Variants in AHCYL2 observed in about 807,000 individuals in gnomAD.
AHCYL2 encodes S-adenosylhomocysteine hydrolase-like protein 2.
In AHCYL2, 28 loss-of-function variants were observed where a neutral mutation model predicts 81.4. That is an observed-to-expected ratio of 0.34 (90% CI 0.25 to 0.47). AHCYL2 has a LOEUF of 0.47. Ranked by LOEUF, AHCYL2 falls within the 20% of genes least tolerant of loss-of-function variation. AHCYL2 has a pLI of 1.00. For missense variants in AHCYL2, 551 were observed against 785.1 expected (o/e 0.70, Z 3.56); for synonymous variants, 272 against 290.2 (o/e 0.94, Z 0.64).
chr7:129,234,818 T>TC (rs1794581997), intron 1 of AHCYL2, among the ~76,000 whole-genome samples: 1 of 152,192 alleles, frequency 6.6e-6, no homozygotes, highest in Admixed American at 6.5e-5. Flanking sequence ...AAGAATTTCT[T>TC]CCTTTGGTTT....
chr7:129,282,252 G>A (rs958252514), intron 1 of AHCYL2, among the ~76,000 whole-genome samples: 4 of 151,906 alleles, frequency 2.6e-5, no homozygotes, highest in African/African-American at 9.7e-5. Context: ...TAGCATCTTA[G>A]ATCTATGAGT....
chr7:129,243,829 G>C (rs573758485), intron 1 of AHCYL2, among the ~76,000 whole-genome samples: 14 of 151,952 alleles, frequency 9.2e-5, no homozygotes, highest in Non-Finnish European at 2.1e-4. Context: ...TCCTGGCCTC[G>C]TGATCCACCT....
intron 1 of AHCYL2, among the ~76,000 whole-genome samples, chr7:129,321,450 T>C (rs1015305837): frequency 3.9e-5 from 6 of 152,202 alleles, no homozygotes; most frequent in South Asian, 2.1e-4. Context: ...TTTGTTGATA[T>C]AGTAAGTTAT....
At chr7:129,379,422 C>A (rs1258782238) in intron 1 of AHCYL2, among the ~76,000 whole-genome samples, 1 of 151,406 alleles carries the variant, frequency 6.6e-6, no homozygotes, top group East Asian at 1.9e-4. Context: ...GAGTTCAAGG[C>A]CAGCCTGGGC....
chr7:129,285,616 G>T (rs1309070068), intron 1 of AHCYL2, among the ~76,000 whole-genome samples: 1 of 151,626 alleles, frequency 6.6e-6, no homozygotes, highest in Non-Finnish European at 1.5e-5. Context: ...TCCTGACCTT[G>T]TAGAATCCAT....
intron 1 of AHCYL2, among the ~76,000 whole-genome samples, chr7:129,258,130 T>G (rs191158495): frequency 1.3e-5 from 2 of 152,162 alleles, no homozygotes; most frequent in Non-Finnish European, 2.9e-5. Flanking sequence ...CATTCTCCCA[T>G]TGTGGTTACC....
At chr7:129,318,849 G>A (rs1192825671) in intron 1 of AHCYL2, among the ~76,000 whole-genome samples, 1 of 151,694 alleles carries the variant, frequency 6.6e-6, no homozygotes, top group East Asian at 1.9e-4. Flanking sequence ...ACATGGATAA[G>A]TTCTTTAGTG....
chr7:129,389,268 A>G, intron 3 of AHCYL2, 69 bp downstream of exon 3: 1 of 1,577,540 alleles, frequency 6.3e-7, no homozygotes, highest in Admixed American at 1.8e-5. Flanking sequence ...ATCCCTTTTT[A>G]TGTCTGGGGT....
At chr7:129,330,470 AT>A (rs34481793) in intron 1 of AHCYL2, among the ~76,000 whole-genome samples, 3,552 of 139,072 alleles carry the variant, frequency 0.026, 39 homozygotes, top group Admixed American at 0.057. Flanking sequence ...ACTCTGGTAC[AT>A]TTTTTTTTTT....
chr7:129,244,470 T>C (rs1794978460), intron 1 of AHCYL2, among the ~76,000 whole-genome samples: 1 of 152,188 alleles, frequency 6.6e-6, no homozygotes, highest in Non-Finnish European at 1.5e-5. Context: ...GAACTTGCTT[T>C]CTCATGGTTC....
intron 1 of AHCYL2, among the ~76,000 whole-genome samples, chr7:129,227,611 A>C (rs1484785023): frequency 1.2e-5 from 1 of 83,162 alleles, no homozygotes; most frequent in Non-Finnish European, 2.7e-5. Context: ...CTTGTCTCAA[A>C]AAAAAAAAAA....
intron 1 of AHCYL2, among the ~76,000 whole-genome samples, chr7:129,271,322 C>T (rs1796005024): frequency 7.2e-6 from 1 of 139,154 alleles, no homozygotes; most frequent in African/African-American, 2.7e-5. Context: ...GATGGTGCCA[C>T]TGCAATCCAG....
chr7:129,312,105 C>T (rs1797678615), intron 1 of AHCYL2, among the ~76,000 whole-genome samples: 1 of 152,106 alleles, frequency 6.6e-6, no homozygotes, highest in Non-Finnish European at 1.5e-5. Flanking sequence ...CCTCCCACCT[C>T]AGCCTCCTGA....
intron 1 of AHCYL2, among the ~76,000 whole-genome samples, chr7:129,271,803 A>G (rs940030727): frequency 6.6e-6 from 1 of 152,274 alleles, no homozygotes; most frequent in East Asian, 1.9e-4. Flanking sequence ...GATGGTAGAG[A>G]TAAATCCAAA....
chr7:129,264,406 A>T (rs543409252), intron 1 of AHCYL2, among the ~76,000 whole-genome samples: 1 of 152,314 alleles, frequency 6.6e-6, no homozygotes, highest in South Asian at 2.1e-4. Context: ...ATAAACCGGT[A>T]TCGAGCTCAC....
At chr7:129,415,408 TTTTAC>T (rs1208614521) in intron 12 of AHCYL2, among the ~76,000 whole-genome samples, 1 of 152,224 alleles carries the variant, frequency 6.6e-6, no homozygotes, top group Non-Finnish European at 1.5e-5. Flanking sequence ...CCTTTTGTAT[TTTTAC>T]TTTATCTCAT....
intron 5 of AHCYL2, among the ~76,000 whole-genome samples, chr7:129,398,814 G>A (rs533825486): frequency 2.5e-4 from 38 of 151,990 alleles, no homozygotes; most frequent in African/African-American, 8.9e-4. Flanking sequence ...ATGATACAAG[G>A]ACATATATAA....
At chr7:129,309,414 C>T (rs989676828) in intron 1 of AHCYL2, among the ~76,000 whole-genome samples, 5 of 151,874 alleles carry the variant, frequency 3.3e-5, no homozygotes, top group Admixed American at 1.3e-4. Context: ...TAGGTACATG[C>T]CTGTAGTCCC....
chr7:129,237,826 A>G (rs958487811), intron 1 of AHCYL2, among the ~76,000 whole-genome samples: 1 of 152,076 alleles, frequency 6.6e-6, no homozygotes, highest in African/African-American at 2.4e-5. Flanking sequence ...CCCGGGTTCA[A>G]GCAACCCCAG....
Sources: gnomAD v4.1 joint callset for allele counts (sites outside exome capture counted in the v4.1 genomes callset) on GRCh38, gnomAD v4.1.1 for gene constraint, MANE v1.5 for transcripts, NCBI Gene and HGNC (gene_info 2026-07-23, HGNC 2026-07-21) for gene names.